The following TAF1 variants were observed in gnomAD, a reference collection of about 807,000 sequenced individuals.
The protein encoded by TAF1 is transcription initiation factor TFIID subunit 1.
Under a neutral mutation model 138.5 loss-of-function variants are expected in TAF1, and 2 were observed. The observed-to-expected ratio is 0.01, with a 90% confidence interval of 0.01 to 0.05. The LOEUF is 0.05. TAF1 is among the 10% of genes least tolerant of loss of function. The pLI is 1.00. For synonymous variants in TAF1, 437 were observed against 503.2 expected (o/e 0.87, Z 1.76); for missense variants, 709 against 1,478.0 (o/e 0.48, Z 8.53).
rs755367240 is a variant in TAF1, at chrX:71,478,385, G to A, written c.1366+17582G>A. 2.3e-3 allele frequency among the ~76,000 whole-genome samples: 252 copies of A among 110,775 alleles called. 4 individuals are homozygous for A. The highest frequency in any genetic ancestry group is 1.2e-3 in the Non-Finnish European group (64 of 52,915). On this transcript the variant is annotated intron_variant and NMD_transcript_variant, in intron 13 of 14. Transcript: ENST00000373775. ...AAGAATAACTATCCTGGCCAACTGCGGTGGCTCATGCCTGTAATCTCAATG... is the reference window on the plus strand; with the variant it reads ...AAGAATAACTATCCTGGCCAACTGCAGTGGCTCATGCCTGTAATCTCAATG...
chrX:71,388,963 G>C lies in TAF1; in HGVS notation c.2700+95G>C, dbSNP rs2034404279. The C allele has an allele frequency of 5.9e-6, 6 of 1,017,199 alleles. No homozygotes were observed. The East Asian group carries it at 1.9e-4, about 31-fold the overall frequency. The allele number at this position is 1,017,199 out of a possible 1,213,427, so 83.8% of individuals were successfully genotyped here. A position where few individuals can be genotyped will look rare whatever the true frequency, so the allele number is the denominator to read the frequency against. On this transcript the variant is annotated intron_variant, in intron 17 of 37. Coordinates refer to ENST00000423759, the MANE Select transcript of TAF1 (RefSeq NM_004606.5). ...AGATGAGAGAGAAGATTCTTTCTCTGACTGGCTTAGGGAGGATGGTTTACT... is the reference window on the plus strand; with the variant it reads ...AGATGAGAGAGAAGATTCTTTCTCTCACTGGCTTAGGGAGGATGGTTTACT...
intron 37 of TAF1, among the ~76,000 whole-genome samples, chrX:71,461,934 C>T (rs760618183): frequency 1.8e-5 from 2 of 111,142 alleles, no homozygotes; most frequent in Non-Finnish European, 3.8e-5. Context: ...ATTAGCTAAA[C>T]GAATAAGAAA....
At chrX:71,459,344 T>C (rs1370984771) in intron 35 of TAF1, 2 of 1,012,601 alleles carry the variant, frequency 2.0e-6, no homozygotes, top group African/African-American at 1.9e-5. Context: ...TAAGATGATA[T>C]CAGGGGGTCT....
chrX:71,385,439 C>G (rs1346567325), intron 14 of TAF1, among the ~76,000 whole-genome samples: 3 of 111,600 alleles, frequency 2.7e-5, no homozygotes, highest in African/African-American at 9.8e-5. Flanking sequence ...CACACCTGAA[C>G]TGTGCCATCT....
intron 13 of TAF1, among the ~76,000 whole-genome samples, chrX:71,508,090 A>C (rs1023020): frequency 0.39 from 31,464 of 79,833 alleles, 5,355 homozygotes; most frequent in East Asian, 0.56. Context: ...CTCTCTCTAT[A>C]TATATATATA....
At chrX:71,449,010 T>C (rs1382597353) in intron 32 of TAF1, among the ~76,000 whole-genome samples, 1 of 98,777 alleles carries the variant, frequency 1.0e-5, no homozygotes, top group East Asian at 3.1e-4. Context: ...TATTTTTTTG[T>C]TTTGTTTTGA....
chrX:71,379,112 T>A, intron 8 of TAF1, 81 bp downstream of exon 8: 1 of 940,814 alleles, frequency 1.1e-6, no homozygotes, highest in Non-Finnish European at 1.4e-6. Flanking sequence ...GTGATTTTTT[T>A]TTTTTTTTTT....
In TAF1 at chrX:71,464,973, C is replaced by G. The variant is rs1244222880; in HGVS notation, c.*927C>G. On this transcript the variant is annotated 3_prime_UTR_variant, in exon 38 of 38. Transcript: ENST00000423759. The stretch of plus-strand genomic sequence containing the variant: ...TGCCACCTAAATGTTTTCTGTCCCC[C>G]CCACCCTCCCCAGGGGAAATGGTAG... 1 of 110,191 alleles carries G rather than the reference C, an allele frequency of 9.1e-6. No individual in the cohort carries two copies. The highest frequency in any genetic ancestry group is 1.9e-5 in the Non-Finnish European group (1 of 52,701). The allele number at this position is 110,191 out of a possible 1,213,427, so 9.1% of individuals were successfully genotyped here.
At chrX:71,496,575 TTGTC>T (rs1199320455) in intron 13 of TAF1, among the ~76,000 whole-genome samples, 4 of 109,462 alleles carry the variant, frequency 3.7e-5, no homozygotes, top group Non-Finnish European at 5.7e-5. Context: ...GACTGCCTCT[TTGTC>T]TGTCTCTTCC....
At chrX:71,469,983 G>C (rs770817033), downstream of TAF1, among the ~76,000 whole-genome samples, 3 of 111,993 alleles carry the variant, frequency 2.7e-5, no homozygotes, top group Non-Finnish European at 5.6e-5. Flanking sequence ...TTACAGGCGT[G>C]AGCCACCGTG....
intron 25 of TAF1, 126 bp from the exon 26 acceptor site, chrX:71,406,512 G>T: frequency 3.4e-6 from 2 of 586,688 alleles, no homozygotes; most frequent in Non-Finnish European, 5.2e-6. Flanking sequence ...TTTGGCCTTT[G>T]GTTTGGCTTT....
At chrX:71,489,485 T>C (rs1364219270) in intron 13 of TAF1, among the ~76,000 whole-genome samples, 1 of 110,687 alleles carries the variant, frequency 9.0e-6, no homozygotes, top group Non-Finnish European at 1.9e-5. Flanking sequence ...GAGACCAGCC[T>C]GACCAACATG....
At chrX:71,412,129 T>G (rs771471323) in intron 28 of TAF1, among the ~76,000 whole-genome samples, 14 of 105,249 alleles carry the variant, frequency 1.3e-4, no homozygotes, top group Non-Finnish European at 3.9e-5. Context: ...CTGGTTTTTT[T>G]TTTTTTTTTT....
At chrX:71,397,953 AG>A (rs1318316380) in intron 23 of TAF1, among the ~76,000 whole-genome samples, 1 of 112,277 alleles carries the variant, frequency 8.9e-6, no homozygotes, top group Admixed American at 9.5e-5. Flanking sequence ...GCCAAATTAC[AG>A]GGAAAATTCT....
Position 71,428,012 on chromosome X carries a change from T to A in TAF1, c.4753+3774T>A, listed in dbSNP as rs1178789261. Among the ~76,000 whole-genome samples, 20 of 44,351 alleles carry A rather than the reference T, an allele frequency of 4.5e-4. No individual in the cohort carries two copies. The Admixed American group carries it at 5.3e-3, about 12-fold the overall frequency. The allele number at this position is 44,351 out of a possible 115,157, so 38.5% of individuals were successfully genotyped here. ...TTTTAAACCTATTAGATTAGCTCAA[T>A]TTTTTTTTTTTTTTTTTTTCTGAGA... On this transcript the variant is annotated intron_variant, in intron 32 of 37. Coordinates refer to ENST00000423759, the MANE Select transcript of TAF1 (RefSeq NM_004606.5).
At chrX:71,449,684 CTATACTGTAAGGAACT>C (rs2037864795) in intron 32 of TAF1, among the ~76,000 whole-genome samples, 1 of 112,260 alleles carries the variant, frequency 8.9e-6, no homozygotes, top group Non-Finnish European at 1.9e-5. Context: ...GTAGAAGAGC[CTATACTGTAAGGAACT>C]ACCGTTGTAC....
chrX:71,441,357 G>T (rs914048172), intron 32 of TAF1, among the ~76,000 whole-genome samples: 1 of 110,966 alleles, frequency 9.0e-6, no homozygotes, highest in African/African-American at 3.3e-5. Context: ...TTGAAAAACA[G>T]CATAAGAAAT....
At chrX:71,404,584 G>A (rs1020674378) in intron 25 of TAF1, among the ~76,000 whole-genome samples, 1 of 111,091 alleles carries the variant, frequency 9.0e-6, no homozygotes, top group South Asian at 3.7e-4. Context: ...TGATCTGCCC[G>A]CCTCCACCTC....
intron 3 of TAF1, 66 bp downstream of exon 3, chrX:71,368,236 C>T: frequency 1.9e-6 from 2 of 1,077,291 alleles, no homozygotes; most frequent in Non-Finnish European, 2.5e-6. Context: ...CCAGTTTGGG[C>T]TCTGGTTTCT....
Sources: allele counts gnomAD v4.1 joint callset (sites outside exome capture counted in the v4.1 genomes callset), GRCh38; gene constraint gnomAD v4.1.1; transcripts MANE v1.5; gene names NCBI Gene and HGNC (gene_info 2026-07-23, HGNC 2026-07-21).